Variants in XIRP2 observed in about 807,000 individuals in gnomAD.
XIRP2 encodes the protein xin actin-binding repeat-containing protein 2.
Under a neutral mutation model 277.0 loss-of-function variants are expected in XIRP2, and 236 were observed. The ratio of observed to expected loss-of-function variants is 0.85; its 90% CI spans 0.77 to 0.95. XIRP2 has a LOEUF of 0.95. XIRP2 is among the 40% of genes least tolerant of loss of function. XIRP2 has a pLI of 0.00. For missense variants in XIRP2, 4,640 were observed against 4,157.5 expected (o/e 1.12, Z -3.19); for synonymous variants, 1,490 against 1,416.5 (o/e 1.05, Z -1.17).
intron 3 of XIRP2, among the ~76,000 whole-genome samples, chr2:167,141,213 T>A (rs1691708493): frequency 2.0e-5 from 3 of 152,232 alleles, no homozygotes; most frequent in African/African-American, 7.2e-5. Flanking sequence ...ATATTCTGAC[T>A]GTAGAATGTC....
intron 5 of XIRP2, among the ~76,000 whole-genome samples, chr2:167,230,314 T>G (rs928476103): frequency 1.3e-5 from 2 of 152,122 alleles, no homozygotes; most frequent in African/African-American, 2.4e-5. Flanking sequence ...ATAAACACTT[T>G]GTATCATCAT....
chr2:166,954,749 C>A (rs1266997584), intron 2 of XIRP2, among the ~76,000 whole-genome samples: 1 of 151,842 alleles, frequency 6.6e-6, no homozygotes, highest in African/African-American at 2.4e-5. Context: ...TGAAAAGGAA[C>A]AAAATCATGT....
chr2:167,194,795 T>C (rs1693452166), intron 3 of XIRP2, among the ~76,000 whole-genome samples: 1 of 152,154 alleles, frequency 6.6e-6, no homozygotes. Context: ...GAGATACTAG[T>C]AGTATCTATC....
chr2:166,935,250 G>A (rs1685460612), intron 2 of XIRP2, among the ~76,000 whole-genome samples: 1 of 152,118 alleles, frequency 6.6e-6, no homozygotes, highest in African/African-American at 2.4e-5. Context: ...GTGGGAAAAT[G>A]ATGAATATCT....
At chr2:167,189,865 T>C in intron 3 of XIRP2, among the ~76,000 whole-genome samples, 1 of 152,158 alleles carries the variant, frequency 6.6e-6, no homozygotes, top group East Asian at 1.9e-4. Context: ...CTCAGTCCCA[T>C]GAGGCTGTCC....
intron 9 of XIRP2, 40 bp from the exon 10 acceptor site, chr2:167,253,992 A>C (rs772092615): frequency 2.6e-6 from 4 of 1,530,182 alleles, no homozygotes; most frequent in Non-Finnish European, 3.5e-6. Flanking sequence ...ATATGATTGA[A>C]GATAACACTA....
At chr2:167,145,284 CA>C (rs1252362043) in intron 3 of XIRP2, among the ~76,000 whole-genome samples, 10 of 151,694 alleles carry the variant, frequency 6.6e-5, no homozygotes, top group African/African-American at 2.4e-4. Flanking sequence ...TAATTAAGCA[CA>C]AATTAAAATG....
In XIRP2 at chr2:167,247,262, C is replaced by T. The variant is rs566795295; in HGVS notation, c.5870C>T (p.Ser1957Leu). The T allele has an allele frequency of 5.3e-5, 85 of 1,613,556 alleles. No individual in the cohort carries two copies. Among genetic ancestry groups the T allele is most frequent in the Admixed American group, 4.5e-4 (27 of 59,958 alleles). The part of the protein sequence containing the change: ...KDAKAVMAGS[S>L]GEQKTDIHQV... ...GCTAAAGCTGTGATGGCAGGATCCT[C>T]GGGAGAGCAGAAAACAGATATTCAT... Residue 1957 changes from serine (S) to leucine (L), a missense_variant, in exon 9 of 11, where the codon TCG becomes TTG. Coordinates refer to ENST00000409195, the MANE Select transcript of XIRP2 (RefSeq NM_152381.6).
chr2:166,941,189 T>C (rs1158132066), intron 2 of XIRP2, among the ~76,000 whole-genome samples: 1 of 152,056 alleles, frequency 6.6e-6, no homozygotes, highest in South Asian at 2.1e-4. Flanking sequence ...CAGTTCAATC[T>C]CAGATTGCTG....
intron 3 of XIRP2, among the ~76,000 whole-genome samples, chr2:167,146,068 C>T (rs1433650950): frequency 6.7e-6 from 1 of 149,570 alleles, no homozygotes; most frequent in Non-Finnish European, 1.5e-5. Flanking sequence ...AAACCAAGAG[C>T]CAGTCAGATT....
rs1344963864 is a variant in XIRP2, at chr2:166,958,234, G to T, written c.408+54344G>T. 2.0e-5 allele frequency among the ~76,000 whole-genome samples: 3 copies of T among 151,922 alleles called. No homozygotes were observed. The East Asian group carries it at 5.8e-4, about 29-fold the overall frequency. On this transcript the variant is annotated intron_variant, in intron 2 of 10. Coordinates refer to ENST00000409195, the MANE Select transcript of XIRP2 (RefSeq NM_152381.6). ...AGGCGCATGCCCAACAGTTGTGGGG[G>T]ATGGCAATTAAAATGCTTGGAAAAT...
At chr2:166,975,635 G>A (rs1686689741) in intron 2 of XIRP2, among the ~76,000 whole-genome samples, 1 of 152,058 alleles carries the variant, frequency 6.6e-6, no homozygotes, top group South Asian at 2.1e-4. Context: ...ATTTAAAACT[G>A]TTCATTGTGG....
At chr2:167,064,734 T>C (rs1317742879) in intron 2 of XIRP2, among the ~76,000 whole-genome samples, 1 of 151,918 alleles carries the variant, frequency 6.6e-6, no homozygotes, top group African/African-American at 2.4e-5. Flanking sequence ...AGGTACCTTA[T>C]AGAAGTGAGG....
rs753554201 is a variant in XIRP2, at chr2:167,241,802, G to T, written c.1068G>T (p.Glu356Asp). 6 of 1,612,928 alleles carry T rather than the reference G, an allele frequency of 3.7e-6. No individual in the cohort carries two copies. In the East Asian group the frequency reaches 6.7e-5, roughly 18 times the overall value. The change falls in exon 8 of 11, where the codon GAG becomes GAT. Residue 356 changes from glutamate to aspartate, a missense_variant. Physicochemically the swap from Glu to Asp is conservative, Grantham distance 45 (BLOSUM62 2). Transcript: ENST00000409195. The part of the protein sequence containing the change: ...ETVIDTPEDE[E>D]IPKVSTKLLK... ...TCATTGATACACCTGAGGATGAAGA[G>T]ATTCCAAAGGTTTCGACTAAGTTGT...
At chr2:167,095,315 T>C (rs1041577328) in intron 2 of XIRP2, among the ~76,000 whole-genome samples, 7 of 152,174 alleles carry the variant, frequency 4.6e-5, no homozygotes, top group Non-Finnish European at 7.3e-5. Context: ...TTCTTTCTCT[T>C]ACCTGATTGC....
intron 1 of XIRP2, among the ~76,000 whole-genome samples, chr2:166,893,629 A>G (rs1306565499): frequency 6.6e-6 from 1 of 152,070 alleles, no homozygotes; most frequent in African/African-American, 2.4e-5. Context: ...TGCAAGGCAC[A>G]TTTGCATATA....
At chr2:167,142,521 C>T (rs1489300149) in intron 3 of XIRP2, among the ~76,000 whole-genome samples, 1 of 151,424 alleles carries the variant, frequency 6.6e-6, no homozygotes, top group Admixed American at 6.6e-5. Flanking sequence ...GCACTCCAGC[C>T]TCATGACAGA....
chr2:167,029,337 G>A (rs1471323241), intron 2 of XIRP2, among the ~76,000 whole-genome samples: 1 of 152,084 alleles, frequency 6.6e-6, no homozygotes, highest in African/African-American at 2.4e-5. Flanking sequence ...TATTGGCTGT[G>A]AGTTTGTCAT....
intron 2 of XIRP2, among the ~76,000 whole-genome samples, chr2:166,960,644 TG>T (rs1686277465): frequency 6.6e-6 from 1 of 151,808 alleles, no homozygotes; most frequent in South Asian, 2.1e-4. Context: ...AAACTTAGTA[TG>T]GGATCATAGC....
Sources: gnomAD v4.1 joint callset for allele counts (sites outside exome capture counted in the v4.1 genomes callset) on GRCh38, gnomAD v4.1.1 for gene constraint, MANE v1.5 for transcripts, NCBI Gene and HGNC (gene_info 2026-07-23, HGNC 2026-07-21) for gene names.